MAT2B: variants seen among roughly 807,000 people sequenced by gnomAD.
The protein encoded by MAT2B is methionine adenosyltransferase 2 non-catalytic beta subunit.
A neutral mutation model predicts 36.1 loss-of-function variants in MAT2B; 16 were observed. That is an observed-to-expected ratio of 0.44 (90% confidence interval 0.30 to 0.67). The LOEUF (loss-of-function observed/expected upper bound fraction) is 0.67. Ranked by LOEUF, MAT2B falls within the 30% of genes least tolerant of loss-of-function variation. The pLI is 0.09. For missense variants in MAT2B, 332 were observed against 398.2 expected (o/e 0.83, Z 1.42); for synonymous variants, 148 against 136.9 (o/e 1.08, Z -0.57).
At position 163,516,681 on chromosome 5, in the gene MAT2B, G is replaced by C. The variant is rs746260090; in HGVS notation, c.690G>C (p.Val230=). Residue 230 remains valine, a synonymous_variant, in exon 5 of 7, where the codon GTG becomes GTC. Transcript: ENST00000321757. ...FPTHVKDVAT[V]CRQLAEKRML... ...CACATGTCAAAGATGTGGCCACTGT[G>C]TGCCGGCAGCTAGCAGAGAAGAGAA... 1 of 1,614,190 alleles carries C rather than the reference G, an allele frequency of 6.2e-7. No homozygotes were observed. Among genetic ancestry groups the C allele is most frequent in the Non-Finnish European group, 8.5e-7 (1 of 1,180,038 alleles).
At chr5:163,516,777 C>A in intron 5 of MAT2B, 66 bp downstream of exon 5, 2 of 1,553,448 alleles carry the variant, frequency 1.3e-6, no homozygotes, top group Admixed American at 1.7e-5. Context: ...CTTGAACTTT[C>A]ACAGCTGTAC....
At chr5:163,511,274 A>ATT (rs5872826) in intron 1 of MAT2B, among the ~76,000 whole-genome samples, 141 of 149,768 alleles carry the variant, frequency 9.4e-4, no homozygotes, top group African/African-American at 3.1e-3. Flanking sequence ...AATTAAAAAA[A>ATT]TTTTTTTTTT....
chr5:163,506,549 C>T (rs1759942703), intron 1 of MAT2B, among the ~76,000 whole-genome samples: 1 of 152,152 alleles, frequency 6.6e-6, no homozygotes, highest in Admixed American at 6.5e-5. Flanking sequence ...ATGCCCAGAC[C>T]ATGTCTTTTG....
In MAT2B at chr5:163,505,682, C is replaced by T. The variant is rs759306922; in HGVS notation, c.-5C>T. 7 of 1,282,432 alleles carry T rather than the reference C, an allele frequency of 5.5e-6. No individual in the cohort carries two copies. In the African/African-American group the frequency reaches 6.1e-5, roughly 11 times the overall value. 79.4% of individuals were successfully genotyped at this position (1,282,432 alleles called of 1,614,324 possible). On this transcript the variant is annotated 5_prime_UTR_variant, in exon 1 of 7. Transcript: ENST00000321757. ...CGCTGAGGCTGCGGCGTGAAGACGG[C>T]GGGCATGGTGGGGCGGGAGAAAGAG... is the stretch of plus-strand genomic sequence containing the variant.
intron 1 of MAT2B, among the ~76,000 whole-genome samples, chr5:163,507,402 A>T (rs1759965364): frequency 1.3e-5 from 2 of 152,196 alleles, no homozygotes; most frequent in African/African-American, 4.8e-5. Flanking sequence ...ATTTTTCAAG[A>T]AATGTTTTTT....
At chr5:163,507,406 GT>G (rs1004479398) in intron 1 of MAT2B, among the ~76,000 whole-genome samples, 1 of 152,064 alleles carries the variant, frequency 6.6e-6, no homozygotes, top group Non-Finnish European at 1.5e-5. Context: ...TTCAAGAAAT[GT>G]TTTTTTGGTG....
intron 1 of MAT2B, among the ~76,000 whole-genome samples, chr5:163,509,240 TTGTTTAGTAAC>T (rs1229856935): frequency 6.6e-6 from 1 of 151,608 alleles, no homozygotes; most frequent in African/African-American, 2.4e-5. Flanking sequence ...TCTTAATTCA[TTGTTTAGTAAC>T]TTTTGTGGAT....
chr5:163,505,775 C>T (rs1759923033), intron 1 of MAT2B, 26 bp downstream of exon 1: 1 of 1,258,168 alleles, frequency 7.9e-7, no homozygotes, highest in Admixed American at 4.1e-5. Context: ...TGGGCGTCTC[C>T]GGTGGGAGCG....
rs71599703 is a variant in MAT2B, at chr5:163,505,747, G to A, written c.61G>A (p.Glu21Lys). Residue 21 changes from glutamate (E) to lysine (K), a missense_variant and splice_region_variant, in exon 1 of 7, where the codon GAG becomes AAG. Transcript: ENST00000321757. ...TGTTCCCGGGAGCTGTCGGCTGGTG[G>A]AGGTGAGGGAGTCGGCCTGGGCGTC... ...HFVPGSCRLV[E>K]EEVNIPNRRV... is the part of the protein sequence containing the mutation. The A allele has an allele frequency of 1.6e-6, 2 of 1,274,292 alleles. No individual in the cohort carries two copies. Among genetic ancestry groups the A allele is most frequent in the Non-Finnish European group, 2.0e-6 (2 of 1,003,090 alleles). 78.9% of individuals were successfully genotyped at this position (1,274,292 alleles called of 1,614,324 possible).
intron 2 of MAT2B, chr5:163,512,690 CTT>C (rs1326878255): frequency 2.2e-6 from 1 of 453,458 alleles, no homozygotes; most frequent in African/African-American, 2.0e-5. Flanking sequence ...CTGTTTTGTT[CTT>C]GTTTTTGTGA....
intron 1 of MAT2B, among the ~76,000 whole-genome samples, chr5:163,509,448 G>T (rs1760001564): frequency 6.6e-6 from 1 of 152,112 alleles, no homozygotes; most frequent in African/African-American, 2.4e-5. Flanking sequence ...TCCAAATCAC[G>T]ATGATCAGCA....
upstream of MAT2B, chr5:163,505,578 C>G: frequency 4.0e-6 from 5 of 1,246,880 alleles, no homozygotes; most frequent in East Asian, 3.2e-5. Context: ...CGAGCGGGGT[C>G]GTTCTGGGCC....
At chr5:163,503,741 T>C (rs10515861), upstream of MAT2B, among the ~76,000 whole-genome samples, 33,932 of 152,192 alleles carry the variant, frequency 0.22, 4,902 homozygotes, top group Non-Finnish European at 0.33. Flanking sequence ...AGTGTGTTCC[T>C]TTCCAGATGT....
chr5:163,506,850 A>G (rs974032741), intron 1 of MAT2B, among the ~76,000 whole-genome samples: 2 of 152,236 alleles, frequency 1.3e-5, no homozygotes, highest in African/African-American at 4.8e-5. Flanking sequence ...GTTTTCCTTC[A>G]TTAAAAATGA....
At position 163,518,281 on chromosome 5, in the gene MAT2B, G is replaced by T; in HGVS notation, c.923G>T (p.Arg308Leu). ...TTGGAGACCTTGGGCATTGGCCAAC[G>T]AACACCATTTCGAATTGGAATCAAA... ...SKLETLGIGQ[R>L]TPFRIGIKES... The change falls in exon 7 of 7, where the codon CGA (arginine) becomes CTA (leucine). Residue 308 changes from arginine to leucine, a missense_variant. By Grantham distance (102) the Arg-to-Leu change is moderately radical (BLOSUM62 -2). Coordinates refer to ENST00000321757, the MANE Select transcript of MAT2B (RefSeq NM_013283.5). 1.2e-6 allele frequency: 2 copies of T among 1,613,854 alleles called. No homozygotes were observed. The highest frequency in any genetic ancestry group is 1.7e-6 in the Non-Finnish European group (2 of 1,179,872).
chr5:163,517,423 AT>A (rs1216039255), intron 5 of MAT2B, 137 bp from the exon 6 acceptor site: 1 of 474,016 alleles, frequency 2.1e-6, no homozygotes, highest in Non-Finnish European at 3.9e-6. Flanking sequence ...GATTTTAGAT[AT>A]CTTGTGGAGA....
intron 1 of MAT2B, among the ~76,000 whole-genome samples, chr5:163,509,501 AC>A (rs1290481134): frequency 6.6e-6 from 1 of 152,158 alleles, no homozygotes; most frequent in African/African-American, 2.4e-5. Flanking sequence ...ATCAAGCCCC[AC>A]CCCAGACCTT....
chr5:163,513,406 A>G (rs1760080970), intron 2 of MAT2B, 149 bp from the exon 3 acceptor site: 5 of 555,476 alleles, frequency 9.0e-6, no homozygotes, highest in Non-Finnish European at 1.6e-5. Context: ...AAGCAGCATG[A>G]CAAAACTACA....
intron 1 of MAT2B, among the ~76,000 whole-genome samples, chr5:163,506,544 C>T (rs922763034): frequency 2.0e-5 from 3 of 152,190 alleles, no homozygotes; most frequent in African/African-American, 7.2e-5. Context: ...TACTAATGCC[C>T]AGACCATGTC....
Sources: gnomAD v4.1 joint callset for allele counts (sites outside exome capture counted in the v4.1 genomes callset) on GRCh38, gnomAD v4.1.1 for gene constraint, MANE v1.5 for transcripts, NCBI Gene and HGNC (gene_info 2026-07-23, HGNC 2026-07-21) for gene names.